Variants in EPHA6 observed in about 807,000 individuals in gnomAD.
EPHA6 encodes ephrin type-A receptor 6.
In EPHA6, 50 loss-of-function variants were observed where a neutral mutation model predicts 112.0. The ratio of observed to expected loss-of-function variants is 0.45; its 90% CI spans 0.36 to 0.56. EPHA6 has a LOEUF of 0.56. Among genes scored for constraint, EPHA6 ranks in the 20% least tolerant of loss-of-function variants. The pLI is 0.00. For missense variants in EPHA6, 1,280 were observed against 1,417.4 expected, an observed-to-expected ratio of 0.90 and a Z score of 1.56; for synonymous variants, 529 against 490.7, an observed-to-expected ratio of 1.08 and a Z score of -1.03.
chr3:97,027,283 T>G (rs1465444253), intron 3 of EPHA6, among the ~76,000 whole-genome samples: 1 of 152,092 alleles, frequency 6.6e-6, no homozygotes, highest in African/African-American at 2.4e-5. Flanking sequence ...CACTGGGGCC[T>G]CTCAGAGGGT....
At chr3:97,363,932 T>C (rs1004098418) in intron 5 of EPHA6, among the ~76,000 whole-genome samples, 1 of 152,094 alleles carries the variant, frequency 6.6e-6, no homozygotes, top group African/African-American at 2.4e-5. Context: ...TAATTCCACT[T>C]ATATGATGTA....
intron 2 of EPHA6, among the ~76,000 whole-genome samples, chr3:96,903,381 G>A (rs896952112): frequency 6.6e-6 from 1 of 152,122 alleles, no homozygotes; most frequent in South Asian, 2.1e-4. Context: ...CTACAGATCA[G>A]GGTTCATATG....
intron 3 of EPHA6, among the ~76,000 whole-genome samples, chr3:97,065,941 A>G (rs570587021): frequency 2.0e-5 from 3 of 152,226 alleles, no homozygotes; most frequent in Non-Finnish European, 2.9e-5. Context: ...CAACTATAAA[A>G]TGATTAATGA....
chr3:97,161,378 A>T (rs1256709711), intron 3 of EPHA6, among the ~76,000 whole-genome samples: 2 of 152,172 alleles, frequency 1.3e-5, no homozygotes, highest in East Asian at 1.9e-4. Flanking sequence ...GGCTCTAAAC[A>T]GCTTCCACTA....
chr3:97,062,677 G>A (rs1376216415), intron 3 of EPHA6, among the ~76,000 whole-genome samples: 1 of 152,144 alleles, frequency 6.6e-6, no homozygotes, highest in Admixed American at 6.5e-5. Context: ...TAAGTCTTAT[G>A]AGATCTGATG....
At chr3:97,717,363 T>G (rs577501463) in intron 14 of EPHA6, among the ~76,000 whole-genome samples, 2 of 152,288 alleles carry the variant, frequency 1.3e-5, no homozygotes, top group African/African-American at 4.8e-5. Flanking sequence ...TGTATTAGTC[T>G]GCTAGGGCTG....
At chr3:96,948,803 A>G (rs1357344630) in intron 2 of EPHA6, among the ~76,000 whole-genome samples, 3 of 152,174 alleles carry the variant, frequency 2.0e-5, no homozygotes, top group Non-Finnish European at 4.4e-5. Context: ...GTAAAAATTA[A>G]TCTGTATTGA....
intron 5 of EPHA6, among the ~76,000 whole-genome samples, chr3:97,358,724 C>A (rs1446632374): frequency 6.6e-6 from 1 of 151,982 alleles, no homozygotes; most frequent in African/African-American, 2.4e-5. Flanking sequence ...CTCCTTTAAG[C>A]ATTTCTTGCA....
chr3:97,204,277 G>C (rs1215305004), intron 3 of EPHA6, among the ~76,000 whole-genome samples: 2 of 151,976 alleles, frequency 1.3e-5, no homozygotes, highest in African/African-American at 4.8e-5. Context: ...ATTTTTACAT[G>C]GTTAGATAAA....
In EPHA6 at chr3:97,148,732, G is replaced by C. The variant is rs189051964; in HGVS notation, c.1115-77532G>C. On this transcript the variant is annotated intron_variant, in intron 3 of 17. Coordinates refer to ENST00000389672, the MANE Select transcript of EPHA6 (RefSeq NM_001080448.3). ...TAGAAATTTAAACTCACTTTTGTCT[G>C]TCTGGATATTATGGACCATTTTCAA... Among the ~76,000 whole-genome samples the C allele has an allele frequency of 2.4e-3, 360 of 152,130 alleles. 1 individual carries two copies. The highest frequency in any genetic ancestry group is 6.8e-3 in the Middle Eastern group (2 of 294).
intron 6 of EPHA6, among the ~76,000 whole-genome samples, chr3:97,421,695 T>C (rs907620392): frequency 5.9e-5 from 9 of 152,118 alleles, no homozygotes; most frequent in African/African-American, 2.2e-4. Flanking sequence ...ACACAAAATA[T>C]GTTGAAGTTA....
At chr3:97,339,627 A>G (rs902904644) in intron 5 of EPHA6, among the ~76,000 whole-genome samples, 1 of 152,178 alleles carries the variant, frequency 6.6e-6, no homozygotes, top group Non-Finnish European at 1.5e-5. Flanking sequence ...GCCAATACCT[A>G]CCTTAGGATA....
At chr3:96,997,257 C>T (rs570375663) in intron 3 of EPHA6, among the ~76,000 whole-genome samples, 1 of 152,124 alleles carries the variant, frequency 6.6e-6, no homozygotes, top group East Asian at 1.9e-4. Context: ...AATAAGGCTG[C>T]TTTGCTTTGT....
chr3:97,696,461 T>C (rs1390487179), intron 14 of EPHA6, among the ~76,000 whole-genome samples: 2 of 152,234 alleles, frequency 1.3e-5, no homozygotes, highest in African/African-American at 2.4e-5. Context: ...GCTTATGACT[T>C]ACGTTTACCT....
chr3:97,552,839 T>C (rs1294306369), intron 11 of EPHA6, among the ~76,000 whole-genome samples: 1 of 152,202 alleles, frequency 6.6e-6, no homozygotes, highest in Non-Finnish European at 1.5e-5. Context: ...TAATAACTTA[T>C]TAGTTTTTGA....
chr3:96,835,501 G>A lies in EPHA6; in HGVS notation c.385+20493G>A, dbSNP rs373742178. ...GCAAGGGGATGGAAAATTCATATGG[G>A]GCAGGGTGAGAGGTGACTGGCAAAT... On this transcript the variant is annotated intron_variant, in intron 1 of 17. Transcript: ENST00000389672. Among the ~76,000 whole-genome samples the A allele has an allele frequency of 6.6e-5, 10 of 151,932 alleles. No homozygotes were observed. In the East Asian group the frequency reaches 1.7e-3, roughly 26 times the overall value.
chr3:97,633,385 G>T (rs941379910), intron 13 of EPHA6, among the ~76,000 whole-genome samples: 10 of 151,948 alleles, frequency 6.6e-5, no homozygotes, highest in African/African-American at 2.2e-4. Context: ...ATTTGAATCT[G>T]CCTTCCTGGG....
At chr3:97,112,038 T>G (rs2047739622) in intron 3 of EPHA6, among the ~76,000 whole-genome samples, 1 of 152,174 alleles carries the variant, frequency 6.6e-6, no homozygotes. Flanking sequence ...CATGAATACA[T>G]TCACTGTGTT....
At chr3:97,508,867 T>C (rs2092309607) in intron 10 of EPHA6, among the ~76,000 whole-genome samples, 1 of 152,088 alleles carries the variant, frequency 6.6e-6, no homozygotes, top group African/African-American at 2.4e-5. Context: ...ATATTTAGGA[T>C]AGTTAGCTCT....
Sources: gnomAD v4.1 joint callset for allele counts (sites outside exome capture counted in the v4.1 genomes callset) on GRCh38, gnomAD v4.1.1 for gene constraint, MANE v1.5 for transcripts, NCBI Gene and HGNC (gene_info 2026-07-23, HGNC 2026-07-21) for gene names.